DLST: variants seen among roughly 807,000 people sequenced by gnomAD.
DLST encodes dihydrolipoyllysine-residue succinyltransferase component of 2-oxoglutarate dehydrogenase complex, mitochondrial.
DLST carries 17 observed loss-of-function variants against 53.1 expected under a neutral mutation model. The observed-to-expected ratio is 0.32, with a 90% CI of 0.22 to 0.48. The LOEUF (loss-of-function observed/expected upper bound fraction) is 0.48. Ranked by LOEUF, DLST falls within the 20% of genes least tolerant of loss-of-function variation. The probability of loss-of-function intolerance (pLI) is 0.99; values close to 1 mark genes in which losing one functional copy is unlikely to be tolerated. For missense variants in DLST, 512 were observed against 583.9 expected, an observed-to-expected ratio of 0.88 and a Z score of 1.27; for synonymous variants, 206 against 204.8, an observed-to-expected ratio of 1.01 and a Z score of -0.05.
chr14:74,888,487 C>A (rs1039424918), intron 3 of DLST, among the ~76,000 whole-genome samples: 2 of 152,024 alleles, frequency 1.3e-5, no homozygotes, highest in Non-Finnish European at 2.9e-5. Flanking sequence ...TCCTGTAATC[C>A]CAGCACTTTG....
chr14:74,900,146 G>C, intron 12 of DLST, 143 bp from the exon 13 acceptor site: 3 of 1,075,290 alleles, frequency 2.8e-6, no homozygotes, highest in Non-Finnish European at 4.2e-6. Flanking sequence ...AAACCATGCC[G>C]CATTCTTTTA....
intron 14 of DLST, 127 bp downstream of exon 14, chr14:74,901,360 T>C (rs1444539588): frequency 5.5e-6 from 5 of 907,878 alleles, no homozygotes; most frequent in African/African-American, 1.7e-5. Flanking sequence ...TTCTAATAGC[T>C]AAGGCACTGA....
Position 74,894,334 on chromosome 14 carries a change from A to G in DLST, c.695A>G (p.Gln232Arg). ...EHREKMNRMR[Q>R]RIAQRLKEAQ... is the part of the protein sequence containing the mutation. ...CAGGAGAAAATGAACAGGATGCGGC[A>G]GCGCATTGCTCAGCGTCTGAAGGAG... Residue 232 changes from glutamine (Q) to arginine (R), a missense_variant, in exon 10 of 15, where the codon CAG (glutamine) becomes CGG (arginine). Gln to Arg is a conservative substitution (Grantham distance 43, BLOSUM62 1). Transcript: ENST00000334220. 3 of 1,614,196 alleles carry G rather than the reference A, an allele frequency of 1.9e-6. No individual in the cohort carries two copies. In the Admixed American group the frequency reaches 5.0e-5, roughly 27 times the overall value.
intron 10 of DLST, among the ~76,000 whole-genome samples, chr14:74,895,876 A>G (rs1235750549): frequency 6.6e-6 from 1 of 152,160 alleles, no homozygotes; most frequent in Non-Finnish European, 1.5e-5. Context: ...AGCCTGGGCA[A>G]CAGAGCGAGA....
intron 14 of DLST, among the ~76,000 whole-genome samples, 187 bp downstream of exon 14, chr14:74,901,420 G>A (rs1884242114): frequency 6.6e-6 from 1 of 152,234 alleles, no homozygotes; most frequent in Non-Finnish European, 1.5e-5. Flanking sequence ...TATTAGAAAT[G>A]CATATTCTTA....
intron 1 of DLST, 54 bp from the exon 2 acceptor site, chr14:74,882,537 G>A (rs1883561223): frequency 1.3e-6 from 2 of 1,590,264 alleles, no homozygotes; most frequent in African/African-American, 2.7e-5. Flanking sequence ...AAAAGAAAAA[G>A]CTGGGTTTTT....
intron 10 of DLST, among the ~76,000 whole-genome samples, chr14:74,898,031 A>C (rs1439031450): frequency 6.7e-6 from 1 of 149,480 alleles, no homozygotes; most frequent in Non-Finnish European, 1.5e-5. Context: ...TTTTTTCAGG[A>C]TGGATAGCTC....
intron 1 of DLST, 48 bp from the exon 2 acceptor site, chr14:74,882,543 T>C (rs200057453): frequency 6.3e-7 from 1 of 1,577,436 alleles, no homozygotes; most frequent in African/African-American, 1.4e-5. Flanking sequence ...AAAAGCTGGG[T>C]TTTTTTTTCA....
chr14:74,897,289 T>C (rs1189526784), intron 10 of DLST, among the ~76,000 whole-genome samples: 1 of 152,256 alleles, frequency 6.6e-6, no homozygotes, highest in Non-Finnish European at 1.5e-5. Flanking sequence ...CTGTTAAAAT[T>C]GTACCACATC....
chr14:74,889,264 A>C lies in DLST; in HGVS notation c.200-11A>C. ...AACTACTTATGATTTTCTTTTTTGC[A>C]TTTTTCCTAGAGGATGACTTGGTTA... On this transcript the variant is annotated splice_polypyrimidine_tract_variant and intron_variant, in intron 4 of 14. Transcript: ENST00000334220. 1.2e-6 allele frequency: 2 copies of C among 1,611,724 alleles called. No homozygotes were observed. Among genetic ancestry groups the C allele is most frequent in the Non-Finnish European group, 1.7e-6 (2 of 1,179,466 alleles).
chr14:74,886,077 G>A (rs1883692851), intron 3 of DLST: 1 of 158,566 alleles, frequency 6.3e-6, no homozygotes, highest in South Asian at 1.8e-4. Context: ...TGACTAGTTT[G>A]GAGGGAATGC....
intron 11 of DLST, 52 bp downstream of exon 11, chr14:74,898,551 G>GCA: frequency 6.3e-7 from 1 of 1,584,142 alleles, no homozygotes. Context: ...AGGTGTATGA[G>GCA]CACAGACCTG....
rs181485885 is a variant in DLST, at chr14:74,887,601, A to G, written c.147-1494A>G. On this transcript the variant is annotated intron_variant, in intron 3 of 14. Transcript: ENST00000334220. The stretch of plus-strand genomic sequence containing the variant: ...ATAGTATTATATTTACATGATTAAA[A>G]ATTCAAAAAGTAAAAAGGGTGTCCA... Among the ~76,000 whole-genome samples, 319 of 148,484 alleles carry G rather than the reference A, an allele frequency of 2.1e-3. 1 individual carries two copies. The highest frequency in any genetic ancestry group is 7.8e-3 in the African/African-American group (297 of 37,952).
Position 74,881,997 on chromosome 14 carries a change from C to A in DLST, c.44C>A (p.Ser15Ter). 6.4e-7 allele frequency: 1 copy of A among 1,572,146 alleles called. No homozygotes were observed. Among genetic ancestry groups the A allele is most frequent in the Non-Finnish European group, 8.6e-7 (1 of 1,167,352 alleles). The stretch of plus-strand genomic sequence containing the variant: ...TGTGTGTCTCGGGCGTTCAGCCGCT[C>A]GCTCTCCGCCTTCCAGAAGGTACGG... ...SRCVSRAFSR[S>*]LSAFQKGNCP... is the part of the protein sequence containing the mutation. Residue 15 changes from serine to a stop codon, truncating the protein, a stop_gained, in exon 1 of 15, where the codon TCG (serine) becomes TAG (stop). Transcript: ENST00000334220. LOFTEE classifies it high-confidence loss of function.
rs780059278 is a variant in DLST at position 74,892,958 on chromosome 14, G to A, written c.567G>A (p.Ser189=). 14 of 1,612,414 alleles carry A rather than the reference G, an allele frequency of 8.7e-6. No homozygotes were observed. The highest frequency in any genetic ancestry group is 3.3e-5 in the South Asian group (3 of 90,774). Residue 189 remains serine (S), a synonymous_variant, in exon 8 of 15, where the codon TCG becomes TCA. Coordinates refer to ENST00000334220, the MANE Select transcript of DLST (RefSeq NM_001933.5). ...PIPTQMPPVP[S]PSQPPSGKPV... is the part of the protein sequence containing the mutation. The stretch of plus-strand genomic sequence containing the variant: ...CCACTCAGATGCCACCGGTGCCCTC[G>A]CCCTCACAGCCTCCTTCTGGCAAAC...
chr14:74,895,993 A>G (rs1884067339), intron 10 of DLST, among the ~76,000 whole-genome samples: 1 of 152,328 alleles, frequency 6.6e-6, no homozygotes, highest in African/African-American at 2.4e-5. Flanking sequence ...GGCTGGGACC[A>G]CTACAGGCAT....
At chr14:74,898,937 C>T (rs890970877) in intron 11 of DLST, among the ~76,000 whole-genome samples, 11 of 152,254 alleles carry the variant, frequency 7.2e-5, no homozygotes, top group African/African-American at 2.4e-4. Context: ...CTTGGCCTCT[C>T]ATGGACCTGG....
At chr14:74,897,877 G>T (rs889944075) in intron 10 of DLST, among the ~76,000 whole-genome samples, 9 of 150,912 alleles carry the variant, frequency 6.0e-5, no homozygotes, top group African/African-American at 2.2e-4. Context: ...GTTTATTTTA[G>T]TCTCCACTAA....
At chr14:74,898,650 C>A in intron 11 of DLST, 151 bp downstream of exon 11, 1 of 1,023,366 alleles carries the variant, frequency 9.8e-7, no homozygotes, top group Non-Finnish European at 1.4e-6. Context: ...TCTTGGTTCA[C>A]CTTCCTGAAG....
Sources: gnomAD v4.1 joint callset for allele counts (sites outside exome capture counted in the v4.1 genomes callset) on GRCh38, gnomAD v4.1.1 for gene constraint, MANE v1.5 for transcripts, NCBI Gene and HGNC (gene_info 2026-07-23, HGNC 2026-07-21) for gene names.